PSMD3: variants seen among roughly 807,000 people sequenced by gnomAD.
PSMD3 encodes proteasome 26S subunit, non-ATPase 3, also known as 26S proteasome non-ATPase regulatory subunit 3.
A neutral mutation model predicts 62.8 loss-of-function variants in PSMD3; 5 were observed. That is an observed-to-expected ratio of 0.08 (90% CI 0.04 to 0.17). PSMD3 has a LOEUF of 0.17. PSMD3 is among the 10% of genes least tolerant of loss of function. PSMD3 has a pLI of 1.00. For synonymous variants in PSMD3, 265 were observed against 283.9 expected (o/e 0.93, Z 0.67); for missense variants, 524 against 713.6 (o/e 0.73, Z 3.03).
In PSMD3 at chr17:39,992,747, C is replaced by A. The variant is rs149839739; in HGVS notation, c.982-2207C>A. 3.8e-4 allele frequency among the ~76,000 whole-genome samples: 58 copies of A among 151,210 alleles called. 1 individual carries two copies. The East Asian group carries it at 0.011, about 29-fold the overall frequency. On this transcript the variant is annotated intron_variant, in intron 6 of 11. Coordinates refer to ENST00000264639, the MANE Select transcript of PSMD3 (RefSeq NM_002809.4). ...TTGCTTCAGTCTCCGGGAAGAAAAC[C>A]CCCAGCCCTGCTGCTTCCTCTCTCA...
chr17:39,984,466 G>C lies in PSMD3; in HGVS notation c.393G>C (p.Leu131Phe), dbSNP rs1568136064. 2.5e-6 allele frequency: 4 copies of C among 1,611,756 alleles called. No homozygotes were observed. The highest frequency in any genetic ancestry group is 3.4e-6 in the Non-Finnish European group (4 of 1,178,832). ...FTSNNATRDF[L>F]LPFLEEPMDT... Reference sequence around the variant, plus strand: ...CAAATAATGCCACTCGAGACTTTTTGCTCCCCTTCCTGGAAGAGGTGAGTG... The same window carrying C: ...CAAATAATGCCACTCGAGACTTTTTCCTCCCCTTCCTGGAAGAGGTGAGTG... Residue 131 changes from leucine to phenylalanine, a missense_variant, in exon 2 of 12, where the codon TTG (leucine) becomes TTC (phenylalanine). Transcript: ENST00000264639.
rs1040789837 is a variant in PSMD3, at chr17:39,983,938, G to A, written c.221-356G>A. Among the ~76,000 whole-genome samples the A allele has an allele frequency of 1.1e-4, 17 of 151,864 alleles. 1 individual carries two copies. Among genetic ancestry groups the A allele is most frequent in the South Asian group, 6.2e-4 (3 of 4,814 alleles). On this transcript the variant is annotated intron_variant, in intron 1 of 11. Transcript: ENST00000264639. ...TTGCCTGGCCGGCACGGTGGCTCAC[G>A]CCTATAATCCCAGCACTTTGGGAGG...
chr17:39,984,044 A>G (rs1980456623), intron 1 of PSMD3, among the ~76,000 whole-genome samples: 1 of 152,014 alleles, frequency 6.6e-6, no homozygotes, highest in Non-Finnish European at 1.5e-5. Context: ...CTAAAAATAC[A>G]AAAAATTTAG....
chr17:39,991,421 C>T (rs1023481608), intron 6 of PSMD3, among the ~76,000 whole-genome samples: 2 of 152,168 alleles, frequency 1.3e-5, no homozygotes, highest in South Asian at 2.1e-4. Context: ...CTCCCAAAGT[C>T]CTGGGATTAC....
chr17:39,981,951 C>T (rs1980396877), intron 1 of PSMD3, among the ~76,000 whole-genome samples: 2 of 152,206 alleles, frequency 1.3e-5, no homozygotes, highest in Admixed American at 1.3e-4. Context: ...TCATGTTTTA[C>T]TTTTCCCACT....
At position 39,995,449 on chromosome 17, in the gene PSMD3, T is replaced by C. The variant is rs1980760247; in HGVS notation, c.1242T>C (p.Tyr414=). ...GTGTACGCATGATCAGCCTCTCCTA[T>C]TCCCGAATCTCCTTGGCTGACATCG... ...KTGVRMISLS[Y]SRISLADIAQ... The change falls in exon 9 of 12, where the codon TAT becomes TAC. Residue 414 remains tyrosine (Y), a synonymous_variant. Coordinates refer to ENST00000264639, the MANE Select transcript of PSMD3 (RefSeq NM_002809.4). This position sits in a 1 kb window ranked among gnomAD's most constrained non-coding sequence, Gnocchi z 4.1. 6.2e-7 allele frequency: 1 copy of C among 1,614,048 alleles called. No individual in the cohort carries two copies. Among genetic ancestry groups the C allele is most frequent in the Non-Finnish European group, 8.5e-7 (1 of 1,179,926 alleles).
intron 2 of PSMD3, 94 bp from the exon 3 acceptor site, chr17:39,986,481 A>G: frequency 2.0e-6 from 3 of 1,463,546 alleles, no homozygotes; most frequent in Non-Finnish European, 1.9e-6. Context: ...GTAGACACTC[A>G]ATAAATATGT....
intron 3 of PSMD3, 143 bp from the exon 4 acceptor site, chr17:39,988,540 T>G: frequency 1.0e-6 from 1 of 966,746 alleles, no homozygotes; most frequent in Non-Finnish European, 1.5e-6. Flanking sequence ...CTGTGAACAT[T>G]CGTGTACATG....
At chr17:39,988,043 G>T (rs1253148463) in intron 3 of PSMD3, among the ~76,000 whole-genome samples, 1 of 152,216 alleles carries the variant, frequency 6.6e-6, no homozygotes, top group Non-Finnish European at 1.5e-5. Context: ...GGAGGCGGAG[G>T]TTGTGGTGAG....
chr17:39,981,151 GAGCACTCCC>G lies in PSMD3; in HGVS notation c.185_193del (p.His62_Gln64del), dbSNP rs906834553. ...CGGCAAGACGGCGGCGGCAGCGGCT[GAGCACTCCC>G]AGCGAGAGCTGGACACAGTCACCTT... On this transcript the variant is annotated inframe_deletion, in exon 1 of 12. Transcript: ENST00000264639. 7.3e-5 allele frequency: 113 copies of G among 1,550,846 alleles called. No homozygotes were observed. The highest frequency in any genetic ancestry group is 9.7e-5 in the Non-Finnish European group (111 of 1,146,882).
At position 39,995,268 on chromosome 17, in the gene PSMD3, C is replaced by T. The variant is rs762927208; in HGVS notation, c.1189C>T (p.Arg397Trp). ...QADGTYTLII[R>W]LRHNVIKTGV... ...AGATGGGACCTACACCCTAATTATC[C>T]GGCTGCGGCACAACGTGATTAAGAC... The change falls in exon 8 of 12, where the codon CGG becomes TGG. Residue 397 changes from arginine (R) to tryptophan (W), a missense_variant. This residue lies in a region of PSMD3 where 32 missense variants were observed against 85.4 expected (regional missense o/e 0.37). Coordinates refer to ENST00000264639, the MANE Select transcript of PSMD3 (RefSeq NM_002809.4). The surrounding 1 kb of genome is among the most constrained non-coding windows in gnomAD (Gnocchi z 4.1). 1 of 1,614,144 alleles carries T rather than the reference C, an allele frequency of 6.2e-7. No homozygotes were observed. The highest frequency in any genetic ancestry group is 8.5e-7 in the Non-Finnish European group (1 of 1,180,026).
intron 6 of PSMD3, chr17:39,993,876 A>C (rs1980718192): frequency 6.6e-6 from 1 of 152,196 alleles, no homozygotes; most frequent in Admixed American, 6.5e-5. Flanking sequence ...CCAGTTGCTC[A>C]GTGTTTCCTA....
chr17:39,983,338 T>G (rs1980433311), intron 1 of PSMD3, among the ~76,000 whole-genome samples: 1 of 152,132 alleles, frequency 6.6e-6, no homozygotes, highest in African/African-American at 2.4e-5. Context: ...CACCTATAAT[T>G]TTTTTAATGT....
intron 6 of PSMD3, among the ~76,000 whole-genome samples, chr17:39,992,030 A>AAAAAAAAAAAAAAAAAAAAAAAC (rs1311683541): frequency 4.6e-5 from 7 of 151,642 alleles, no homozygotes; most frequent in African/African-American, 7.3e-5. Context: ...GTCTCAAAAA[A>AAAAAAAAAAAAAAAAAAAAAAAC]AAACAAACAT....
chr17:39,989,672 G>A (rs1166518817), intron 4 of PSMD3, 67 bp from the exon 5 acceptor site: 32 of 1,432,470 alleles, frequency 2.2e-5, no homozygotes, highest in Admixed American at 4.0e-5. Flanking sequence ...GAGAAAGAGC[G>A]AAGAGTTAAA....
intron 3 of PSMD3, among the ~76,000 whole-genome samples, chr17:39,987,639 C>T (rs1006373305): frequency 3.9e-5 from 6 of 152,128 alleles, no homozygotes; most frequent in Admixed American, 6.5e-5. Context: ...TGAGCCACTG[C>T]GCCTGGCCCA....
At position 39,980,855 on chromosome 17, in the gene PSMD3, G is replaced by T. The variant is rs1180337035; in HGVS notation, c.-116G>T. The T allele has an allele frequency of 2.1e-5, 20 of 940,870 alleles. No homozygotes were observed. Among genetic ancestry groups the T allele is most frequent in the South Asian group, 7.2e-5 (4 of 55,254 alleles). 58.3% of individuals were successfully genotyped at this position (940,870 alleles called of 1,614,324 possible). On this transcript the variant is annotated 5_prime_UTR_variant, in exon 1 of 12. Coordinates refer to ENST00000264639, the MANE Select transcript of PSMD3 (RefSeq NM_002809.4). ...GTTTGCAGCTGCTCCGTCATCGTGC[G>T]GCCCGACGCTATCTCGCGCTCGTGT...
In PSMD3 at chr17:39,980,840, G is replaced by T. The variant is rs1980359365; in HGVS notation, c.-131G>T. 1 of 835,958 alleles carries T rather than the reference G, an allele frequency of 1.2e-6. No individual in the cohort carries two copies. The highest frequency in any genetic ancestry group is 1.8e-6 in the Non-Finnish European group (1 of 568,170). The allele number at this position is 835,958 out of a possible 1,614,324, so 51.8% of individuals were successfully genotyped here. ...CAGCGCCGGGAAGGGGTTTGCAGCT[G>T]CTCCGTCATCGTGCGGCCCGACGCT... is the stretch of plus-strand genomic sequence containing the variant. On this transcript the variant is annotated 5_prime_UTR_variant, in exon 1 of 12. Coordinates refer to ENST00000264639, the MANE Select transcript of PSMD3 (RefSeq NM_002809.4).
At chr17:39,984,761 G>A (rs1980480981) in intron 2 of PSMD3, among the ~76,000 whole-genome samples, 1 of 152,102 alleles carries the variant, frequency 6.6e-6, no homozygotes, top group Non-Finnish European at 1.5e-5. Context: ...GGTTGCGTTG[G>A]GTGACCTCTC....
Sources: gnomAD v4.1 joint callset for allele counts (sites outside exome capture counted in the v4.1 genomes callset) on GRCh38, gnomAD v4.1.1 for gene constraint, gnomAD v4.1.1 regional missense constraint, Gnocchi (gnomAD v3.1) non-coding constraint, MANE v1.5 for transcripts, NCBI Gene and HGNC (gene_info 2026-07-23, HGNC 2026-07-21) for gene names.